The following WDR59 variants were observed in gnomAD, a reference collection of about 807,000 sequenced individuals.
WDR59 encodes WD repeat domain 59.
Under a neutral mutation model 131.2 loss-of-function variants are expected in WDR59, and 100 were observed. The ratio of observed to expected loss-of-function variants is 0.76; its 90% CI spans 0.65 to 0.90. The LOEUF is 0.90. WDR59 is among the 40% of genes least tolerant of loss of function. The probability of loss-of-function intolerance (pLI) is 0.00; values close to 1 mark genes in which losing one functional copy is unlikely to be tolerated. For missense variants in WDR59, 1,203 were observed against 1,262.2 expected (o/e 0.95, Z 0.71); for synonymous variants, 601 against 466.2 (o/e 1.29, Z -3.72).
At chr16:74,883,589 C>T (rs926969795) in intron 25 of WDR59, among the ~76,000 whole-genome samples, 2 of 152,208 alleles carry the variant, frequency 1.3e-5, no homozygotes, top group Non-Finnish European at 2.9e-5. Flanking sequence ...TATGTTTAGT[C>T]CACTACATTT....
At chr16:74,928,371 C>G (rs1347642732) in intron 8 of WDR59, among the ~76,000 whole-genome samples, 1 of 151,888 alleles carries the variant, frequency 6.6e-6, no homozygotes, top group African/African-American at 2.4e-5. Flanking sequence ...GGCACACCAC[C>G]ACATCCGGCT....
At chr16:74,970,410 G>A (rs1377900860) in intron 1 of WDR59, among the ~76,000 whole-genome samples, 1 of 147,846 alleles carries the variant, frequency 6.8e-6, no homozygotes, top group East Asian at 2.0e-4. Flanking sequence ...CTCCCAGAAT[G>A]GCATGAACCC....
chr16:74,882,004 G>T (rs1221143577), intron 25 of WDR59, among the ~76,000 whole-genome samples: 1 of 152,000 alleles, frequency 6.6e-6, no homozygotes, highest in Non-Finnish European at 1.5e-5. Flanking sequence ...TTGGAATTAG[G>T]ATACATTATT....
At position 74,916,190 on chromosome 16, in the gene WDR59, C is replaced by T. The variant is rs1966369427; in HGVS notation, c.1036G>A (p.Glu346Lys). ...IESISLLPEP[E>K]KTLHTEDTDH... Reference sequence around the variant, plus strand: ...GTATCTTCAGTGTGCAGGGTCTTCTCAGGTTCCGGCAGAAGGGAAATACTC... The same window carrying T: ...GTATCTTCAGTGTGCAGGGTCTTCTTAGGTTCCGGCAGAAGGGAAATACTC... Residue 346 changes from glutamate (E) to lysine (K), a missense_variant, in exon 12 of 26, where the codon GAG (glutamate) becomes AAG (lysine). Glu to Lys is a moderately conservative substitution (Grantham distance 56). Transcript: ENST00000262144. 6.2e-7 allele frequency: 1 copy of T among 1,613,962 alleles called. No individual in the cohort carries two copies.
At chr16:74,974,955 G>GT (rs1293760243) in intron 1 of WDR59, among the ~76,000 whole-genome samples, 1 of 152,210 alleles carries the variant, frequency 6.6e-6, no homozygotes, top group Non-Finnish European at 1.5e-5. Context: ...TCCTTTTGCT[G>GT]TAATATGTAA....
chr16:74,973,884 A>G (rs2034083493), intron 1 of WDR59, among the ~76,000 whole-genome samples: 1 of 152,034 alleles, frequency 6.6e-6, no homozygotes, highest in Non-Finnish European at 1.5e-5. Flanking sequence ...AAAACACAAA[A>G]ATTGGCCAGG....
At chr16:74,980,942 G>A (rs546968242) in intron 1 of WDR59, among the ~76,000 whole-genome samples, 5 of 151,660 alleles carry the variant, frequency 3.3e-5, no homozygotes, top group South Asian at 4.2e-4. Flanking sequence ...TCCAGCCTGG[G>A]CAACAGAGCG....
In WDR59 at chr16:74,872,489, G is replaced by A. The variant is rs757318410; in HGVS notation, c.*1720C>T. On this transcript the variant is annotated 3_prime_UTR_variant, in exon 26 of 26. Coordinates refer to ENST00000262144, the MANE Select transcript of WDR59 (RefSeq NM_030581.4). ...GTGGGAGGATCACTTGAGCTCAGGT[G>A]ATAGAGGCTACAGTGAGCTATGATT... The A allele has an allele frequency of 6.6e-6, 1 of 151,192 alleles. No homozygotes were observed. Among genetic ancestry groups the A allele is most frequent in the Non-Finnish European group, 1.5e-5 (1 of 67,940 alleles). The allele number at this position is 151,192 out of a possible 1,614,324, so 9.4% of individuals were successfully genotyped here.
At position 74,956,583 on chromosome 16, in the gene WDR59, T is replaced by C. The variant is rs2033304213; in HGVS notation, c.132A>G (p.Leu44=). 1.2e-6 allele frequency: 2 copies of C among 1,614,148 alleles called. No homozygotes were observed. Residue 44 remains leucine (L), a synonymous_variant, in exon 3 of 26, where the codon CTA becomes CTG. Transcript: ENST00000262144. Reference sequence around the variant, plus strand: ...TTCGGTGACCTTCGAAAGGGGCATCTAGATTGACGATGTATAAGAATCTGC... The same window carrying C: ...TTCGGTGACCTTCGAAAGGGGCATCCAGATTGACGATGTATAAGAATCTGC... ...SGRRFLYIVN[L]DAPFEGHRKI...
chr16:74,881,690 T>C (rs547326234), intron 25 of WDR59, among the ~76,000 whole-genome samples: 12 of 152,016 alleles, frequency 7.9e-5, no homozygotes, highest in African/African-American at 2.7e-4. Flanking sequence ...CTGGCCAACA[T>C]GGTGAAACCG....
chr16:74,891,748 C>G (rs1175698238), intron 20 of WDR59, among the ~76,000 whole-genome samples: 2 of 152,176 alleles, frequency 1.3e-5, no homozygotes, highest in Non-Finnish European at 2.9e-5. Context: ...CATGGTGAAA[C>G]CCCATCTCTA....
intron 2 of WDR59, among the ~76,000 whole-genome samples, chr16:74,964,693 G>C (rs914164463): frequency 2.7e-5 from 4 of 150,794 alleles, no homozygotes; most frequent in African/African-American, 1.0e-4. Flanking sequence ...AAATACAGTG[G>C]ATCCTAGAGG....
intron 8 of WDR59, among the ~76,000 whole-genome samples, chr16:74,937,322 G>C (rs753651936): frequency 3.3e-5 from 5 of 152,210 alleles, no homozygotes; most frequent in Non-Finnish European, 5.9e-5. Flanking sequence ...CCTGAACTGT[G>C]AAATGCTGAT....
In WDR59 at chr16:74,874,336, C is replaced by G; in HGVS notation, c.2798G>C (p.Gly933Ala). The G allele has an allele frequency of 6.2e-7, 1 of 1,614,180 alleles. No individual in the cohort carries two copies. ...QCAICHVAVR[G>A]SSNFCLTCGH... ...ACAGGTCAGGCAGAAATTGGACGAT[C>G]CCCGCACAGCCACGTGACAGATGGC... The change falls in exon 26 of 26, where the codon GGA becomes GCA. Residue 933 changes from glycine to alanine, a missense_variant. By Grantham distance (60) the Gly-to-Ala change is moderately conservative (BLOSUM62 0). Transcript: ENST00000262144.
intron 14 of WDR59, among the ~76,000 whole-genome samples, chr16:74,910,993 C>T (rs371178310): frequency 1.4e-4 from 21 of 152,168 alleles, no homozygotes; most frequent in African/African-American, 3.1e-4. Context: ...CCTACCGAGT[C>T]GCTGGGAATA....
At chr16:74,953,857 C>G (rs1567428463) in intron 3 of WDR59, among the ~76,000 whole-genome samples, 1 of 151,986 alleles carries the variant, frequency 6.6e-6, no homozygotes, top group Non-Finnish European at 1.5e-5. Flanking sequence ...AAAAAATTAG[C>G]CGGGCATGGT....
rs1228427006 is a variant in WDR59 at position 74,916,249 on chromosome 16, T to C, written c.977A>G (p.Asn326Ser). ...CTCATCAACACCATCTAATATGTCATTTGCACAAAGCTGCAACAAAGGGTA... is the reference window on the plus strand; with the variant it reads ...CTCATCAACACCATCTAATATGTCACTTGCACAAAGCTGCAACAAAGGGTA... ...VDSQMQRLCANDILDGVDEFI... is the reference protein window; with the variant it reads ...VDSQMQRLCASDILDGVDEFI... Residue 326 changes from asparagine to serine, a missense_variant, in exon 12 of 26, where the codon AAT becomes AGT. Coordinates refer to ENST00000262144, the MANE Select transcript of WDR59 (RefSeq NM_030581.4). 23 of 1,613,890 alleles carry C rather than the reference T, an allele frequency of 1.4e-5. No individual in the cohort carries two copies. The highest frequency in any genetic ancestry group is 1.9e-5 in the Non-Finnish European group (23 of 1,179,936).
chr16:74,911,577 A>G (rs1010138851), intron 14 of WDR59, among the ~76,000 whole-genome samples: 4 of 152,198 alleles, frequency 2.6e-5, no homozygotes, highest in Non-Finnish European at 5.9e-5. Flanking sequence ...AAATCTCTGA[A>G]TCTGCAGAAT....
intron 10 of WDR59, among the ~76,000 whole-genome samples, chr16:74,918,616 A>G (rs1340597890): frequency 6.6e-6 from 1 of 152,230 alleles, no homozygotes; most frequent in Non-Finnish European, 1.5e-5. Flanking sequence ...ACTCTGGTCA[A>G]AGGGAAATTA....
Sources: gnomAD v4.1 joint callset for allele counts (sites outside exome capture counted in the v4.1 genomes callset) on GRCh38, gnomAD v4.1.1 for gene constraint, MANE v1.5 for transcripts, NCBI Gene and HGNC (gene_info 2026-07-23, HGNC 2026-07-21) for gene names.